The following GPM6A variants were observed in gnomAD, a reference collection of about 807,000 sequenced individuals.
GPM6A encodes glycoprotein M6A.
A neutral mutation model predicts 32.1 loss-of-function variants in GPM6A; 7 were observed. That is an observed-to-expected ratio of 0.22 (90% CI 0.12 to 0.41). GPM6A has a LOEUF of 0.41. GPM6A is among the 10% of genes least tolerant of loss of function. The pLI is 1.00. For missense variants in GPM6A, 235 were observed against 347.2 expected (o/e 0.68, Z 2.57); for synonymous variants, 130 against 123.4 (o/e 1.05, Z -0.35).
At chr4:175,987,225 G>T (rs1026461884) in intron 1 of GPM6A, among the ~76,000 whole-genome samples, 2 of 152,194 alleles carry the variant, frequency 1.3e-5, no homozygotes, top group Non-Finnish European at 2.9e-5. Flanking sequence ...CTTGGTGAAT[G>T]AATTACACAG....
At chr4:175,718,905 C>T (rs767688392) in intron 1 of GPM6A, among the ~76,000 whole-genome samples, 3 of 151,916 alleles carry the variant, frequency 2.0e-5, no homozygotes, top group Non-Finnish European at 4.4e-5. Flanking sequence ...AAAATAAATA[C>T]TGATTATGAA....
intron 1 of GPM6A, among the ~76,000 whole-genome samples, chr4:175,930,385 A>G (rs1461325738): frequency 1.4e-5 from 2 of 146,536 alleles, no homozygotes; most frequent in Non-Finnish European, 3.0e-5. Flanking sequence ...ATAAGCTTAA[A>G]CTTAAAAAAA....
At chr4:175,801,133 AT>A (rs1332975676) in intron 1 of GPM6A, 1 of 152,138 alleles carries the variant, frequency 6.6e-6, no homozygotes, top group African/African-American at 2.4e-5. Flanking sequence ...ATAGTTTGCC[AT>A]TTTTTGCTAA....
intron 1 of GPM6A, among the ~76,000 whole-genome samples, chr4:175,885,138 A>C (rs1737410856): frequency 6.6e-6 from 1 of 152,222 alleles, no homozygotes. Context: ...ACAGCCATTA[A>C]TGAGAGAATG....
chr4:175,661,260 C>T (rs1201615476), intron 3 of GPM6A, among the ~76,000 whole-genome samples: 2 of 151,702 alleles, frequency 1.3e-5, no homozygotes, highest in African/African-American at 4.8e-5. Context: ...ATGGCGAAAC[C>T]CCGTCTCTAC....
At chr4:175,851,183 C>G (rs1478250740) in intron 1 of GPM6A, among the ~76,000 whole-genome samples, 1 of 151,886 alleles carries the variant, frequency 6.6e-6, no homozygotes, top group Non-Finnish European at 1.5e-5. Flanking sequence ...ATGGTGAAAC[C>G]CCGTCTCTAC....
In GPM6A at chr4:175,651,862, T is replaced by C; in HGVS notation, c.513A>G (p.Ala171=). The change falls in exon 4 of 7, where the codon GCA becomes GCG. Residue 171 remains alanine, a synonymous_variant. Transcript: ENST00000393658. ...ACTGACGAAGGTCCAAGCAGAGATT[T>C]GCTCCCTCCACTAATGTGGTGTTCC... ...ICRNTTLVEG[A]NLCLDLRQFG... is the part of the protein sequence containing the mutation. 6.2e-7 allele frequency: 1 copy of C among 1,613,412 alleles called. No individual in the cohort carries two copies. The highest frequency in any genetic ancestry group is 8.5e-7 in the Non-Finnish European group (1 of 1,179,618).
At chr4:175,788,371 C>T (rs1306900299) in intron 1 of GPM6A, among the ~76,000 whole-genome samples, 1 of 152,160 alleles carries the variant, frequency 6.6e-6, no homozygotes, top group Non-Finnish European at 1.5e-5. Context: ...GGAAAACAGT[C>T]AGTTGTTTCT....
intron 1 of GPM6A, among the ~76,000 whole-genome samples, chr4:175,907,811 ATGTTTATCTATTTCTT>A (rs778756375): frequency 3.9e-5 from 6 of 152,152 alleles, no homozygotes; most frequent in Non-Finnish European, 8.8e-5. Context: ...AAAGATAAAC[ATGTTTATCTATTTCTT>A]TGGGTCTTCA....
intron 1 of GPM6A, among the ~76,000 whole-genome samples, chr4:175,744,876 G>A (rs540127781): frequency 6.6e-6 from 1 of 152,242 alleles, no homozygotes; most frequent in Non-Finnish European, 1.5e-5. Flanking sequence ...GAAGTATCAG[G>A]GAGGCTGAGA....
chr4:175,956,774 A>C (rs1740000320), intron 1 of GPM6A, among the ~76,000 whole-genome samples: 1 of 152,076 alleles, frequency 6.6e-6, no homozygotes, highest in Admixed American at 6.5e-5. Flanking sequence ...ATGTAATTTT[A>C]ATCCCAATTG....
chr4:175,925,382 A>T (rs1738801444), intron 1 of GPM6A, among the ~76,000 whole-genome samples: 1 of 152,242 alleles, frequency 6.6e-6, no homozygotes, highest in South Asian at 2.1e-4. Flanking sequence ...GATCTTCAAA[A>T]GCAGTTAAAT....
At chr4:175,898,241 C>T (rs866580853) in intron 1 of GPM6A, among the ~76,000 whole-genome samples, 17 of 152,140 alleles carry the variant, frequency 1.1e-4, no homozygotes, top group Non-Finnish European at 2.2e-4. Flanking sequence ...CATTCCTCTG[C>T]CTATATCACT....
intron 1 of GPM6A, among the ~76,000 whole-genome samples, chr4:175,893,883 A>T (rs898477566): frequency 6.6e-6 from 1 of 152,176 alleles, no homozygotes; most frequent in Non-Finnish European, 1.5e-5. Flanking sequence ...CTCGGTAAGA[A>T]AAAGCGATAT....
intron 4 of GPM6A, 151 bp from the exon 5 acceptor site, chr4:175,640,980 A>G: frequency 1.6e-6 from 1 of 612,166 alleles, no homozygotes; most frequent in Non-Finnish European, 2.9e-6. Flanking sequence ...TTCATTGTGG[A>G]TAATAACTAT....
intron 1 of GPM6A, among the ~76,000 whole-genome samples, chr4:175,749,447 A>T (rs1273300635): frequency 6.6e-6 from 1 of 152,194 alleles, no homozygotes; most frequent in Non-Finnish European, 1.5e-5. Flanking sequence ...TAAAAAATGC[A>T]CTGTCTGCAA....
intron 1 of GPM6A, among the ~76,000 whole-genome samples, chr4:175,927,812 G>A (rs1738895433): frequency 6.6e-6 from 1 of 152,166 alleles, no homozygotes; most frequent in South Asian, 2.1e-4. Context: ...TTGAACCTGC[G>A]AGGCGGAGGT....
At chr4:175,660,102 TA>T (rs528749015) in intron 3 of GPM6A, among the ~76,000 whole-genome samples, 2 of 151,564 alleles carry the variant, frequency 1.3e-5, no homozygotes, top group South Asian at 2.1e-4. Flanking sequence ...AGAGCAAAAT[TA>T]AAAAAAAGTA....
At chr4:175,738,201 G>A (rs1052089354) in intron 1 of GPM6A, among the ~76,000 whole-genome samples, 4 of 152,124 alleles carry the variant, frequency 2.6e-5, no homozygotes, top group Admixed American at 2.6e-4. Flanking sequence ...GCCTCCCAAT[G>A]TGCTGGGATT....
Sources: allele counts gnomAD v4.1 joint callset (sites outside exome capture counted in the v4.1 genomes callset), GRCh38; gene constraint gnomAD v4.1.1; transcripts MANE v1.5; gene names NCBI Gene and HGNC (gene_info 2026-07-23, HGNC 2026-07-21).